MAGI2: variants seen among roughly 807,000 people sequenced by gnomAD.
MAGI2 encodes membrane-associated guanylate kinase, WW and PDZ domain-containing protein 2.
A neutral mutation model predicts 133.3 loss-of-function variants in MAGI2; 35 were observed. The ratio of observed to expected loss-of-function variants is 0.26; its 90% CI spans 0.20 to 0.35. The LOEUF is 0.35. MAGI2 is among the 10% of genes least tolerant of loss of function. The probability of loss-of-function intolerance (pLI) is 1.00; values close to 1 mark genes in which losing one functional copy is unlikely to be tolerated. For missense variants in MAGI2, 1,636 were observed against 1,863.4 expected, an observed-to-expected ratio of 0.88 and a Z score of 2.25; for synonymous variants, 729 against 710.6, an observed-to-expected ratio of 1.03 and a Z score of -0.41.
At chr7:78,731,424 A>G (rs547945811) in intron 2 of MAGI2, among the ~76,000 whole-genome samples, 1 of 152,244 alleles carries the variant, frequency 6.6e-6, no homozygotes, top group Middle Eastern at 3.4e-3. Context: ...AGTGAAAACA[A>G]ATAAAAGGTT....
intron 4 of MAGI2, among the ~76,000 whole-genome samples, chr7:78,514,086 CAAAAAAAAAAAAAAA>C (rs67534111): frequency 2.1e-5 from 1 of 47,200 alleles, no homozygotes; most frequent in South Asian, 1.1e-3. Context: ...GAAACTGTCT[CAAAAAAAAAAAAAAA>C]AAAAAAAAAA....
chr7:79,369,955 A>T (rs1006071978), intron 1 of MAGI2, among the ~76,000 whole-genome samples: 1 of 152,064 alleles, frequency 6.6e-6, no homozygotes, highest in African/African-American at 2.4e-5. Flanking sequence ...ACCTAAAGGT[A>T]TTTTTATATT....
At chr7:78,235,081 G>C (rs946915695) in intron 10 of MAGI2, among the ~76,000 whole-genome samples, 2 of 152,078 alleles carry the variant, frequency 1.3e-5, no homozygotes, top group East Asian at 3.9e-4. Context: ...TTTTAAAAAA[G>C]TCTCCAATGA....
In MAGI2 at chr7:78,093,648, A is replaced by G. The variant is rs182430204; in HGVS notation, c.3568-14563T>C. ...CCACTTGCTGCTATTTAAGAGTTTC[A>G]TAATTGGTTTGAAACAGATAGCTAA... is the stretch of plus-strand genomic sequence containing the variant. On this transcript the variant is annotated intron_variant, in intron 20 of 21. Coordinates refer to ENST00000354212, the MANE Select transcript of MAGI2 (RefSeq NM_012301.4). 1.2e-4 allele frequency among the ~76,000 whole-genome samples: 18 copies of G among 152,358 alleles called. 1 individual carries two copies. The East Asian group carries it at 2.9e-3, about 24-fold the overall frequency.
At chr7:78,893,882 T>G (rs574344895) in intron 2 of MAGI2, among the ~76,000 whole-genome samples, 29 of 151,738 alleles carry the variant, frequency 1.9e-4, no homozygotes, top group Admixed American at 5.3e-4. Flanking sequence ...ATAATAATAA[T>G]AAAAAAAAGA....
At chr7:79,138,732 G>A (rs968232295) in intron 1 of MAGI2, among the ~76,000 whole-genome samples, 112 of 152,196 alleles carry the variant, frequency 7.4e-4, no homozygotes, top group East Asian at 1.2e-3. Flanking sequence ...ATGGCCAGGC[G>A]CGGTGGCTCA....
chr7:79,451,137 A>G lies in MAGI2; in HGVS notation c.301+1883T>C, dbSNP rs114539506. Among the ~76,000 whole-genome samples, 374 of 152,260 alleles carry G rather than the reference A, an allele frequency of 2.5e-3. 1 individual carries two copies. Among genetic ancestry groups the G allele is most frequent in the African/African-American group, 8.8e-3 (366 of 41,544 alleles). On this transcript the variant is annotated intron_variant, in intron 1 of 21. Coordinates refer to ENST00000354212, the MANE Select transcript of MAGI2 (RefSeq NM_012301.4). ...CTCTTTGCTAGCGTGACAGTTTGCC[A>G]ACGTCCGCCTCAACAAGGAGTGCTC... is the stretch of plus-strand genomic sequence containing the variant.
intron 6 of MAGI2, among the ~76,000 whole-genome samples, chr7:78,390,023 C>A (rs79918965): frequency 6.6e-6 from 1 of 152,066 alleles, no homozygotes; most frequent in Non-Finnish European, 1.5e-5. Context: ...AATAATAATA[C>A]TTTGTGACAT....
chr7:79,150,889 C>G (rs1353172829), intron 1 of MAGI2, among the ~76,000 whole-genome samples: 2 of 151,774 alleles, frequency 1.3e-5, no homozygotes, highest in Non-Finnish European at 2.9e-5. Context: ...TAAAAGTTGA[C>G]TAATAAAATA....
chr7:79,303,509 A>G (rs1364714168), intron 1 of MAGI2, among the ~76,000 whole-genome samples: 2 of 152,220 alleles, frequency 1.3e-5, no homozygotes, highest in African/African-American at 4.8e-5. Context: ...GCTTATTTTA[A>G]AGCATAAACC....
At chr7:78,563,905 G>A (rs1342529030) in intron 3 of MAGI2, among the ~76,000 whole-genome samples, 1 of 152,148 alleles carries the variant, frequency 6.6e-6, no homozygotes, top group African/African-American at 2.4e-5. Flanking sequence ...ACAAGTCTAG[G>A]AAGTCTGTAA....
intron 3 of MAGI2, among the ~76,000 whole-genome samples, chr7:78,558,048 GTTCTA>G (rs1800011005): frequency 6.6e-6 from 1 of 151,716 alleles, no homozygotes; most frequent in Non-Finnish European, 1.5e-5. Context: ...TATTTTGAGT[GTTCTA>G]TTCTCATTTG....
intron 2 of MAGI2, among the ~76,000 whole-genome samples, chr7:78,950,916 C>A (rs558086348): frequency 2.7e-5 from 4 of 149,852 alleles, no homozygotes; most frequent in African/African-American, 9.8e-5. Flanking sequence ...GTCCTCTATT[C>A]TTAGAATAAG....
chr7:78,767,060 G>A (rs375489546), intron 2 of MAGI2, among the ~76,000 whole-genome samples: 30 of 151,654 alleles, frequency 2.0e-4, no homozygotes, highest in African/African-American at 6.5e-4. Flanking sequence ...CACGATCTCA[G>A]CTCACTGCCA....
At chr7:78,489,728 T>C in intron 6 of MAGI2, 33 bp downstream of exon 6, 1 of 1,502,638 alleles carries the variant, frequency 6.7e-7, no homozygotes, top group South Asian at 1.1e-5. Flanking sequence ...TCAAAGCACA[T>C]TGCTGAAACA....
intron 6 of MAGI2, chr7:78,487,402 A>C (rs1332814109): frequency 6.4e-6 from 1 of 155,782 alleles, no homozygotes; most frequent in African/African-American, 2.4e-5. Flanking sequence ...TCTGCTTAAA[A>C]GAAAAAGAAA....
In MAGI2 at chr7:78,853,138, G is replaced by C. The variant is rs551848614; in HGVS notation, c.418+153952C>G. ...AGAATGCAGCAGGAGCAGGATATTCGATCAAGAACGGGCCAGGCACAGTGG... is the reference window on the plus strand; with the variant it reads ...AGAATGCAGCAGGAGCAGGATATTCCATCAAGAACGGGCCAGGCACAGTGG... On this transcript the variant is annotated intron_variant, in intron 2 of 21. Transcript: ENST00000354212. Among the ~76,000 whole-genome samples, 10 of 151,828 alleles carry C rather than the reference G, an allele frequency of 6.6e-5. No homozygotes were observed. In the South Asian group the frequency reaches 1.9e-3, roughly 28 times the overall value.
At chr7:79,104,293 G>A (rs570645244) in intron 1 of MAGI2, among the ~76,000 whole-genome samples, 14 of 152,210 alleles carry the variant, frequency 9.2e-5, no homozygotes, top group South Asian at 4.1e-4. Flanking sequence ...TGTGAGCTTC[G>A]GAGGGATGGG....
intron 2 of MAGI2, among the ~76,000 whole-genome samples, chr7:78,745,028 CA>C (rs1822790942): frequency 1.3e-5 from 2 of 152,122 alleles, no homozygotes; most frequent in African/African-American, 2.4e-5. Context: ...CGCTACAGCA[CA>C]GGACCAAGAG....
Sources: allele counts gnomAD v4.1 joint callset (sites outside exome capture counted in the v4.1 genomes callset), GRCh38; gene constraint gnomAD v4.1.1; transcripts MANE v1.5; gene names NCBI Gene and HGNC (gene_info 2026-07-23, HGNC 2026-07-21).